Variants in INPP4B observed in about 807,000 individuals in gnomAD.
INPP4B encodes inositol polyphosphate 4-phosphatase type II.
INPP4B carries 55 observed loss-of-function variants against 122.5 expected under a neutral mutation model. The observed-to-expected ratio is 0.45, with a 90% CI of 0.36 to 0.56. INPP4B has a LOEUF of 0.56. Among genes scored for constraint, INPP4B ranks in the 20% least tolerant of loss-of-function variants. The pLI is 0.00. For missense variants in INPP4B, 1,000 were observed against 1,097.7 expected (o/e 0.91, Z 1.26); for synonymous variants, 403 against 388.7 (o/e 1.04, Z -0.43).
At chr4:142,843,405 A>T (rs1783798469) in intron 1 of INPP4B, among the ~76,000 whole-genome samples, 1 of 151,932 alleles carries the variant, frequency 6.6e-6, no homozygotes, top group Non-Finnish European at 1.5e-5. Flanking sequence ...TATGGAAAAG[A>T]TTCCTTAAGG....
chr4:142,643,285 CAAGA>C (rs890480467), intron 2 of INPP4B, among the ~76,000 whole-genome samples: 1 of 151,826 alleles, frequency 6.6e-6, no homozygotes, highest in Non-Finnish European at 1.5e-5. Flanking sequence ...TGGAAAAAAA[CAAGA>C]TAGACAAGAA....
In INPP4B at chr4:142,764,435, A is replaced by G. The variant is rs542503905; in HGVS notation, c.-253-38534T>C. Among the ~76,000 whole-genome samples the G allele has an allele frequency of 9.9e-5, 15 of 152,238 alleles. No homozygotes were observed. In the East Asian group the frequency reaches 2.9e-3, roughly 29 times the overall value. On this transcript the variant is annotated intron_variant, in intron 1 of 25. Transcript: ENST00000262992. ...CAGAAAATAGCTGGCACAGCACCAT[A>G]CTGGGCTGACATCAAAGAAGTTGTT... is the stretch of plus-strand genomic sequence containing the variant.
chr4:142,234,738 G>A (rs935160311), intron 12 of INPP4B, among the ~76,000 whole-genome samples: 1 of 152,160 alleles, frequency 6.6e-6, no homozygotes, highest in Non-Finnish European at 1.5e-5. Flanking sequence ...GAATTAAAAT[G>A]TAATTTTCTT....
chr4:142,502,566 G>A (rs1344779972), intron 2 of INPP4B, among the ~76,000 whole-genome samples: 3 of 152,046 alleles, frequency 2.0e-5, no homozygotes, highest in African/African-American at 7.2e-5. Flanking sequence ...TCAGCTCACT[G>A]CAACCTCCAT....
chr4:142,340,364 C>G (rs985044732), intron 7 of INPP4B, among the ~76,000 whole-genome samples: 27 of 152,048 alleles, frequency 1.8e-4, no homozygotes, highest in African/African-American at 6.3e-4. Context: ...CAACGTTCCC[C>G]TTTTAAAAAA....
At chr4:142,713,215 A>T (rs532032152) in intron 2 of INPP4B, among the ~76,000 whole-genome samples, 1 of 152,332 alleles carries the variant, frequency 6.6e-6, no homozygotes, top group South Asian at 2.1e-4. Flanking sequence ...CAAATAATCT[A>T]TAGAAGGAAG....
At chr4:142,708,852 C>T (rs1180106853) in intron 2 of INPP4B, among the ~76,000 whole-genome samples, 1 of 152,156 alleles carries the variant, frequency 6.6e-6, no homozygotes, top group Non-Finnish European at 1.5e-5. Context: ...CTACTCCAGA[C>T]CTCAGAACAG....
At chr4:142,685,396 G>A (rs1317191588) in intron 2 of INPP4B, among the ~76,000 whole-genome samples, 1 of 152,022 alleles carries the variant, frequency 6.6e-6, no homozygotes, top group Admixed American at 6.6e-5. Flanking sequence ...ACTATTCAGT[G>A]GTGAAAAAAG....
At chr4:142,129,189 A>T (rs763746253) in intron 18 of INPP4B, among the ~76,000 whole-genome samples, 4 of 152,298 alleles carry the variant, frequency 2.6e-5, no homozygotes, top group South Asian at 2.1e-4. Context: ...GGGCAATAAA[A>T]TTCCCAAGGT....
chr4:142,150,723 G>A (rs917085743), intron 17 of INPP4B, among the ~76,000 whole-genome samples: 2 of 152,140 alleles, frequency 1.3e-5, no homozygotes, highest in Admixed American at 6.5e-5. Flanking sequence ...GATGGACGTC[G>A]CCAGGGGGAC....
At chr4:142,389,465 A>G (rs898269342) in intron 7 of INPP4B, among the ~76,000 whole-genome samples, 4 of 152,192 alleles carry the variant, frequency 2.6e-5, no homozygotes, top group African/African-American at 9.6e-5. Flanking sequence ...CGTGACTTTT[A>G]ATCTTTGGGA....
At chr4:142,256,780 G>A (rs1197078548) in intron 11 of INPP4B, among the ~76,000 whole-genome samples, 1 of 152,130 alleles carries the variant, frequency 6.6e-6, no homozygotes, top group Non-Finnish European at 1.5e-5. Context: ...AGATGTACAA[G>A]GAGGAACTGG....
chr4:142,803,130 C>A (rs1778226589), intron 1 of INPP4B, among the ~76,000 whole-genome samples: 1 of 148,236 alleles, frequency 6.7e-6, no homozygotes, highest in East Asian at 2.0e-4. Context: ...CGAAATTGCA[C>A]CACTGCACTC....
intron 2 of INPP4B, among the ~76,000 whole-genome samples, chr4:142,699,923 AT>A (rs1318330724): frequency 2.0e-5 from 3 of 151,880 alleles, no homozygotes; most frequent in Admixed American, 6.6e-5. Context: ...TCATTTTAGC[AT>A]TTTTTTTCTA....
rs907424609 is a variant in INPP4B, at chr4:142,717,622, G to C, written c.-191+8217C>G. 2.6e-5 allele frequency among the ~76,000 whole-genome samples: 4 copies of C among 152,018 alleles called. No homozygotes were observed. In the East Asian group the frequency reaches 5.8e-4, roughly 22 times the overall value. ...GGATGAAGCTGGAAACCATCATTCT[G>C]AGCAAACTATCACAAGGACAGAAAA... On this transcript the variant is annotated intron_variant, in intron 2 of 25. Transcript: ENST00000262992.
intron 2 of INPP4B, among the ~76,000 whole-genome samples, chr4:142,555,870 C>CAA (rs554216004): frequency 0.52 from 64,937 of 125,130 alleles, 17,830 homozygotes; most frequent in Non-Finnish European, 0.64. Flanking sequence ...GACTCTGTCT[C>CAA]AAAAAAAAAA....
chr4:142,525,966 G>A (rs1024734850), intron 2 of INPP4B, among the ~76,000 whole-genome samples: 1 of 152,054 alleles, frequency 6.6e-6, no homozygotes, highest in African/African-American at 2.4e-5. Flanking sequence ...TACAAAATGG[G>A]AGAAAATTTC....
chr4:142,207,194 C>T (rs551587388), intron 14 of INPP4B, among the ~76,000 whole-genome samples: 1 of 152,024 alleles, frequency 6.6e-6, no homozygotes, highest in Non-Finnish European at 1.5e-5. Flanking sequence ...ATCTTTTCAC[C>T]CATTGATGGA....
intron 1 of INPP4B, among the ~76,000 whole-genome samples, chr4:142,745,669 G>C (rs1768622944): frequency 2.0e-5 from 3 of 151,656 alleles, no homozygotes; most frequent in Non-Finnish European, 4.4e-5. Flanking sequence ...TGTATAATAA[G>C]AGTGCCTACA....
Sources: allele counts gnomAD v4.1 joint callset (sites outside exome capture counted in the v4.1 genomes callset), GRCh38; gene constraint gnomAD v4.1.1; transcripts MANE v1.5; gene names NCBI Gene and HGNC (gene_info 2026-07-23, HGNC 2026-07-21).